The following GALNT10 variants were observed in gnomAD, a reference collection of about 807,000 sequenced individuals.
GALNT10 encodes the protein GalNAc transferase 10.
GALNT10 carries 41 observed loss-of-function variants against 75.0 expected under a neutral mutation model. The ratio of observed to expected loss-of-function variants is 0.55; its 90% CI spans 0.43 to 0.71. The LOEUF is 0.71. Among genes scored for constraint, GALNT10 ranks in the 30% least tolerant of loss-of-function variants. GALNT10 has a pLI of 0.00. For synonymous variants in GALNT10, 302 were observed against 313.0 expected, an observed-to-expected ratio of 0.96 and a Z score of 0.37; for missense variants, 727 against 818.5, an observed-to-expected ratio of 0.89 and a Z score of 1.36.
intron 1 of GALNT10, among the ~76,000 whole-genome samples, chr5:154,292,851 G>A (rs1754214950): frequency 6.6e-6 from 1 of 152,126 alleles, no homozygotes; most frequent in South Asian, 2.1e-4. Flanking sequence ...GCAGTGCCGG[G>A]GTCCCCTCCT....
At chr5:154,369,154 G>A (rs759734915) in intron 4 of GALNT10, among the ~76,000 whole-genome samples, 15 of 152,164 alleles carry the variant, frequency 9.9e-5, no homozygotes, top group Non-Finnish European at 1.3e-4. Context: ...TTGGGAGGCC[G>A]AAGTGGGTGG....
At chr5:154,256,378 T>C (rs1212160382) in intron 1 of GALNT10, among the ~76,000 whole-genome samples, 1 of 151,268 alleles carries the variant, frequency 6.6e-6, no homozygotes, top group Non-Finnish European at 1.5e-5. Flanking sequence ...ATATTGTGTG[T>C]GGTCCCTTAT....
At chr5:154,280,393 G>C (rs1754022451) in intron 1 of GALNT10, among the ~76,000 whole-genome samples, 1 of 152,134 alleles carries the variant, frequency 6.6e-6, no homozygotes, top group African/African-American at 2.4e-5. Flanking sequence ...TTTTCAAATA[G>C]CTAGAAGAGA....
intron 7 of GALNT10, 160 bp downstream of exon 7, chr5:154,386,590 T>C: frequency 6.4e-6 from 3 of 468,698 alleles, no homozygotes; most frequent in South Asian, 1.8e-5. Context: ...CATGGGCCAC[T>C]CTTTGTTGTG....
chr5:154,277,251 C>T (rs1211117761), intron 1 of GALNT10, among the ~76,000 whole-genome samples: 3 of 151,748 alleles, frequency 2.0e-5, no homozygotes, highest in Non-Finnish European at 4.4e-5. Flanking sequence ...AGTTCTTCTC[C>T]ACATGTCTTA....
At chr5:154,396,380 G>T (rs899118698) in intron 7 of GALNT10, among the ~76,000 whole-genome samples, 1 of 152,226 alleles carries the variant, frequency 6.6e-6, no homozygotes, top group African/African-American at 2.4e-5. Flanking sequence ...GGAGGTGATA[G>T]GTGGGAGCAG....
intron 1 of GALNT10, among the ~76,000 whole-genome samples, chr5:154,293,096 T>G (rs548189553): frequency 2.0e-5 from 3 of 152,298 alleles, no homozygotes; most frequent in African/African-American, 7.2e-5. Context: ...ACTAGAGCTG[T>G]TATAAAGATG....
chr5:154,192,752 T>A (rs1187801895), intron 1 of GALNT10, among the ~76,000 whole-genome samples: 2 of 152,170 alleles, frequency 1.3e-5, no homozygotes, highest in African/African-American at 4.8e-5. Flanking sequence ...AGGGGGAGTG[T>A]CCTACCCTAG....
chr5:154,401,847 G>C (rs181083009), intron 7 of GALNT10, among the ~76,000 whole-genome samples: 3 of 152,126 alleles, frequency 2.0e-5, no homozygotes, highest in African/African-American at 7.2e-5. Flanking sequence ...CGACCTCATC[G>C]AGCAGTTCCA....
chr5:154,287,890 C>CTGTGTGTG (rs61253851), intron 1 of GALNT10, among the ~76,000 whole-genome samples: 100 of 145,342 alleles, frequency 6.9e-4, no homozygotes, highest in Admixed American at 3.4e-3. Context: ...AATTGCTTTG[C>CTGTGTGTG]TGTGTGTGTG....
chr5:154,202,387 C>T (rs370107096), intron 1 of GALNT10, among the ~76,000 whole-genome samples: 12 of 152,326 alleles, frequency 7.9e-5, no homozygotes, highest in South Asian at 4.1e-4. Flanking sequence ...TGAGCACTGG[C>T]TCCACAGCAG....
intron 1 of GALNT10, among the ~76,000 whole-genome samples, chr5:154,278,203 A>G (rs1753979166): frequency 6.6e-6 from 1 of 152,184 alleles, no homozygotes; most frequent in South Asian, 2.1e-4. Flanking sequence ...TTTTAAAACA[A>G]AACAAAACTG....
chr5:154,326,210 C>T (rs1396102386), intron 3 of GALNT10, among the ~76,000 whole-genome samples: 1 of 152,126 alleles, frequency 6.6e-6, no homozygotes, highest in Non-Finnish European at 1.5e-5. Context: ...ACTTCACACT[C>T]ACTAGGATAG....
intron 4 of GALNT10, among the ~76,000 whole-genome samples, chr5:154,371,290 C>T (rs914008324): frequency 2.6e-5 from 4 of 152,116 alleles, no homozygotes; most frequent in Non-Finnish European, 5.9e-5. Context: ...AGTATGACCC[C>T]GTCTTAACAT....
intron 3 of GALNT10, among the ~76,000 whole-genome samples, chr5:154,319,536 C>G (rs1197047954): frequency 6.6e-6 from 1 of 152,236 alleles, no homozygotes; most frequent in Non-Finnish European, 1.5e-5. Context: ...TTAACACTCT[C>G]TGCTTCATCT....
At chr5:154,266,007 A>C (rs1026264271) in intron 1 of GALNT10, among the ~76,000 whole-genome samples, 8 of 152,182 alleles carry the variant, frequency 5.3e-5, no homozygotes, top group African/African-American at 1.9e-4. Context: ...TTTCTTTCTG[A>C]GAGTCCAGCC....
intron 4 of GALNT10, among the ~76,000 whole-genome samples, chr5:154,340,794 T>A (rs1456633817): frequency 2.0e-5 from 3 of 152,232 alleles, no homozygotes; most frequent in African/African-American, 4.8e-5. Context: ...ATGTTTTGAT[T>A]TGAATCTGGA....
intron 7 of GALNT10, among the ~76,000 whole-genome samples, chr5:154,393,851 GA>G (rs370360915): frequency 0.017 from 2,480 of 148,404 alleles, 72 homozygotes; most frequent in African/African-American, 0.057. Context: ...TCAAAGGAAA[GA>G]AAAAAAAAAT....
chr5:154,226,950 A>T (rs867933641), intron 1 of GALNT10, among the ~76,000 whole-genome samples: 1 of 130,712 alleles, frequency 7.7e-6, no homozygotes, highest in Non-Finnish European at 1.6e-5. Context: ...TGTACTCTTT[A>T]AAAAAAAAAA....
Sources: allele counts gnomAD v4.1 joint callset (sites outside exome capture counted in the v4.1 genomes callset), GRCh38; gene constraint gnomAD v4.1.1; transcripts MANE v1.5; gene names NCBI Gene and HGNC (gene_info 2026-07-23, HGNC 2026-07-21).